Variants in ATE1 observed in about 807,000 individuals in gnomAD.
The protein encoded by ATE1 is arginyltransferase 1.
ATE1 carries 36 observed loss-of-function variants against 70.5 expected under a neutral mutation model. The ratio of observed to expected loss-of-function variants is 0.51; its 90% CI spans 0.39 to 0.67. The LOEUF is 0.67. ATE1 is among the 30% of genes least tolerant of loss of function. The pLI, the probability that ATE1 is intolerant of heterozygous loss-of-function variation, is 0.00. For missense variants in ATE1, 593 were observed against 629.5 expected, an observed-to-expected ratio of 0.94 and a Z score of 0.62; for synonymous variants, 232 against 219.3, an observed-to-expected ratio of 1.06 and a Z score of -0.51.
rs1407001996 is a variant in ATE1, at chr10:121,899,904, T to C, written c.904A>G (p.Ile302Val). 1.2e-6 allele frequency: 2 copies of C among 1,613,548 alleles called. No homozygotes were observed. The highest frequency in any genetic ancestry group is 8.5e-7 in the Non-Finnish European group (1 of 1,179,600). ...GGCGTATCAGGTGGGTTCTTGTGAATAACCATCTGGTAACGTTTATAGACC... is the reference window on the plus strand; with the variant it reads ...GGCGTATCAGGTGGGTTCTTGTGAACAACCATCTGGTAACGTTTATAGACC... ...YQVYKRYQMV[I>V]HKNPPDTPTE... The change falls in exon 7 of 12, where the codon ATT becomes GTT. Residue 302 changes from isoleucine to valine, a missense_variant. Physicochemically the swap from Ile to Val is conservative, Grantham distance 29. This residue lies in a region of ATE1 where 467 missense variants were observed against 469.6 expected (regional missense o/e 0.99). Coordinates refer to ENST00000224652, the MANE Select transcript of ATE1 (RefSeq NM_001001976.3).
chr10:121,838,803 A>G (rs1948523792), intron 9 of ATE1, among the ~76,000 whole-genome samples: 1 of 152,142 alleles, frequency 6.6e-6, no homozygotes, highest in African/African-American at 2.4e-5. Context: ...AATTCAAACA[A>G]TTCTTATATC....
At chr10:121,759,635 A>G (rs926180768) in intron 11 of ATE1, among the ~76,000 whole-genome samples, 2 of 151,466 alleles carry the variant, frequency 1.3e-5, no homozygotes, top group Non-Finnish European at 2.9e-5. Context: ...GAGGCAGGAG[A>G]CTGGCGTGAA....
intron 1 of ATE1, chr10:121,927,157 A>G (rs1236362279): frequency 2.4e-5 from 24 of 985,240 alleles, no homozygotes; most frequent in Non-Finnish European, 2.9e-5. Flanking sequence ...ATCTCCCCCA[A>G]AGAAATCTGA....
chr10:121,853,949 A>G (rs1347467863), intron 8 of ATE1, among the ~76,000 whole-genome samples: 2 of 152,182 alleles, frequency 1.3e-5, no homozygotes, highest in African/African-American at 4.8e-5. Context: ...ACGTAATCCC[A>G]TTATTCAGGG....
At chr10:121,868,315 AT>A (rs1949732231) in intron 8 of ATE1, among the ~76,000 whole-genome samples, 1 of 152,236 alleles carries the variant, frequency 6.6e-6, no homozygotes, top group Non-Finnish European at 1.5e-5. Flanking sequence ...AGATCATTAC[AT>A]TAAGTATAAC....
intron 7 of ATE1, among the ~76,000 whole-genome samples, chr10:121,887,215 C>T (rs1010110036): frequency 6.6e-6 from 1 of 152,160 alleles, no homozygotes; most frequent in Non-Finnish European, 1.5e-5. Context: ...GAGACAGTGG[C>T]GCAGCTTCCA....
Position 121,927,888 on chromosome 10 carries a change from T to C in ATE1, c.62A>G (p.Tyr21Cys), listed in dbSNP as rs978758772. The C allele has an allele frequency of 4.4e-6, 7 of 1,591,164 alleles. No homozygotes were observed. The African/African-American group carries it at 5.5e-5, about 13-fold the overall frequency. ...VVDYFPSEDF[Y>C]RCGYCKNESG... ...CTCGTTCTTGCAGTAGCCGCAGCGG[T>C]AGAAGTCCTCGCTAGGGAAATAGTC... The change falls in exon 1 of 12, where the codon TAC becomes TGC. Residue 21 changes from tyrosine to cysteine, a missense_variant. Physicochemically the swap from Tyr to Cys is radical, Grantham distance 194 (BLOSUM62 -2). Around this residue, in one of 3 missense-constraint regions of ATE1, gnomAD observed 467 missense variants for 469.6 expected, o/e 0.99. Transcript: ENST00000224652.
At chr10:121,896,328 T>G (rs925429993) in intron 7 of ATE1, among the ~76,000 whole-genome samples, 3 of 152,144 alleles carry the variant, frequency 2.0e-5, no homozygotes, top group Non-Finnish European at 4.4e-5. Context: ...AATTATAAAA[T>G]GATATGTCTG....
chr10:121,765,110 C>T (rs1590236733), intron 11 of ATE1, among the ~76,000 whole-genome samples: 1 of 152,304 alleles, frequency 6.6e-6, no homozygotes, highest in South Asian at 2.1e-4. Context: ...GTAGACAGAA[C>T]AGGGAGGTCG....
intron 10 of ATE1, among the ~76,000 whole-genome samples, chr10:121,831,625 ATTCTAATACT>A (rs1419913327): frequency 6.6e-6 from 1 of 152,206 alleles, no homozygotes; most frequent in Non-Finnish European, 1.5e-5. Context: ...TTGAAGGACA[ATTCTAATACT>A]TTCTCTCAAT....
At chr10:121,831,522 G>A (rs908780363) in intron 10 of ATE1, among the ~76,000 whole-genome samples, 5 of 152,148 alleles carry the variant, frequency 3.3e-5, no homozygotes, top group Non-Finnish European at 7.4e-5. Flanking sequence ...AGCTCCGCAA[G>A]TCAGGCTTTC....
intron 7 of ATE1, among the ~76,000 whole-genome samples, chr10:121,886,252 T>C (rs1307275158): frequency 6.6e-6 from 1 of 150,674 alleles, no homozygotes; most frequent in Admixed American, 6.6e-5. Context: ...ATCCTGCTTC[T>C]ACAAAAAATA....
chr10:121,885,985 G>T (rs1272827771), intron 7 of ATE1, among the ~76,000 whole-genome samples: 2 of 152,020 alleles, frequency 1.3e-5, no homozygotes, highest in Non-Finnish European at 2.9e-5. Context: ...ATATGCCAGA[G>T]TTAAATATTT....
At chr10:121,841,802 C>T (rs1339140287) in intron 8 of ATE1, among the ~76,000 whole-genome samples, 1 of 152,172 alleles carries the variant, frequency 6.6e-6, no homozygotes, top group Non-Finnish European at 1.5e-5. Flanking sequence ...AAAGACTACA[C>T]ATTGGGTACA....
chr10:121,799,039 C>A (rs1360749969), intron 10 of ATE1, among the ~76,000 whole-genome samples: 5 of 151,714 alleles, frequency 3.3e-5, no homozygotes, highest in Non-Finnish European at 7.4e-5. Flanking sequence ...CTTAAAAAAA[C>A]AAAAGCACAA....
upstream of ATE1, chr10:121,928,448 C>A: frequency 6.6e-7 from 1 of 1,514,794 alleles, no homozygotes; most frequent in Non-Finnish European, 8.8e-7. Flanking sequence ...CGCGAGGGTC[C>A]GCTCGGGCCG....
At chr10:121,925,724 T>A (rs954317307) in intron 1 of ATE1, among the ~76,000 whole-genome samples, 10 of 143,442 alleles carry the variant, frequency 7.0e-5, no homozygotes, top group Admixed American at 1.4e-4. Context: ...AAAAAAATAA[T>A]AATCATAATT....
At chr10:121,858,451 A>T (rs1949329887) in intron 8 of ATE1, among the ~76,000 whole-genome samples, 1 of 151,804 alleles carries the variant, frequency 6.6e-6, no homozygotes, top group Admixed American at 6.6e-5. Flanking sequence ...AAACATTTTT[A>T]TATGTTTTGG....
chr10:121,916,573 C>T (rs1421731655), intron 3 of ATE1, among the ~76,000 whole-genome samples: 2 of 152,260 alleles, frequency 1.3e-5, no homozygotes, highest in Non-Finnish European at 2.9e-5. Context: ...CGGTGGCTCA[C>T]GCTTGCAATC....
Sources: gnomAD v4.1 joint callset for allele counts (sites outside exome capture counted in the v4.1 genomes callset) on GRCh38, gnomAD v4.1.1 for gene constraint, gnomAD v4.1.1 regional missense constraint, MANE v1.5 for transcripts, NCBI Gene and HGNC (gene_info 2026-07-23, HGNC 2026-07-21) for gene names.